Variants in CD69 observed in about 807,000 individuals in gnomAD.
CD69 encodes CD69 molecule.
A neutral mutation model predicts 21.4 loss-of-function variants in CD69; 10 were observed. The ratio of observed to expected loss-of-function variants is 0.47; its 90% CI spans 0.29 to 0.79. CD69 has a LOEUF of 0.79. CD69 is among the 30% of genes least tolerant of loss of function. The probability of loss-of-function intolerance (pLI) is 0.09; values close to 1 mark genes in which losing one functional copy is unlikely to be tolerated. For missense variants in CD69, 204 were observed against 236.9 expected (o/e 0.86, Z 0.91); for synonymous variants, 63 against 78.2 (o/e 0.81, Z 1.03).
intron 4 of CD69, 159 bp downstream of exon 4, chr12:9,754,428 C>A: frequency 1.9e-6 from 1 of 516,582 alleles, no homozygotes; most frequent in Non-Finnish European, 3.5e-6. Context: ...ATAATAAAGC[C>A]TGTTATTAAA....
At position 9,755,228 on chromosome 12, in the gene CD69, A is replaced by C; in HGVS notation, c.221T>G (p.Phe74Cys). The C allele has an allele frequency of 6.2e-7, 1 of 1,614,118 alleles. No individual in the cohort carries two copies. The highest frequency in any genetic ancestry group is 8.5e-7 in the Non-Finnish European group (1 of 1,179,972). The stretch of plus-strand genomic sequence containing the variant: ...AACATGGCTGTCTGATGGCATTGAG[A>C]ATGTGTATTGGCCTGGACAATTGTA... Reference protein sequence around the residue: ...GQYNCPGQYTFSMPSDSHVSS... With the variant: ...GQYNCPGQYTCSMPSDSHVSS... The change falls in exon 3 of 5, where the codon TTC (phenylalanine) becomes TGC (cysteine). Residue 74 changes from phenylalanine to cysteine, a missense_variant. Physicochemically the swap from Phe to Cys is radical, Grantham distance 205. Transcript: ENST00000228434.
At chr12:9,757,109 T>A (rs753491336) in intron 1 of CD69, among the ~76,000 whole-genome samples, 43 of 152,028 alleles carry the variant, frequency 2.8e-4, no homozygotes, top group Non-Finnish European at 5.0e-4. Flanking sequence ...AAATAAAAAA[T>A]TCTAGCATAA....
intron 2 of CD69, 139 bp from the exon 3 acceptor site, chr12:9,755,400 G>C: frequency 1.5e-6 from 1 of 681,684 alleles, no homozygotes; most frequent in South Asian, 1.9e-5. Context: ...ATTCTGAAAA[G>C]GGTATGAAGA....
Position 9,756,337 on chromosome 12 carries a change from G to C in CD69, c.147C>G (p.Val49=). ...GAGCTATGATTAAAATGGTGATGAA[G>C]ACCACATTCATTACAGCACACAGGA... ...VPVLCAVMNV[V]FITILIIALI... Residue 49 remains valine (V), a synonymous_variant, in exon 2 of 5, where the codon GTC becomes GTG. Transcript: ENST00000228434. 6.2e-7 allele frequency: 1 copy of C among 1,613,168 alleles called. No individual in the cohort carries two copies. The highest frequency in any genetic ancestry group is 2.2e-5 in the East Asian group (1 of 44,828).
At chr12:9,759,738 T>G (rs1866716161) in intron 1 of CD69, among the ~76,000 whole-genome samples, 1 of 152,212 alleles carries the variant, frequency 6.6e-6, no homozygotes, top group Non-Finnish European at 1.5e-5. Context: ...TACATATCCC[T>G]TTGTTAATAG....
chr12:9,753,560 A>G lies in CD69; in HGVS notation c.521T>C (p.Val174Ala). Residue 174 changes from valine to alanine, a missense_variant, in exon 5 of 5, where the codon GTT becomes GCT. Val to Ala is a moderately conservative substitution (Grantham distance 64, BLOSUM62 0). Transcript: ENST00000228434. ...WFNVTGSDKC[V>A]FLKNTEVSSM... is the part of the protein sequence containing the mutation. ...GCTGACCTCTGTGTTTTTCAGAAAAACACACTTGTCAGACCCTGTAACGTT... is the reference window on the plus strand; with the variant it reads ...GCTGACCTCTGTGTTTTTCAGAAAAGCACACTTGTCAGACCCTGTAACGTT... 1 of 1,581,266 alleles carries G rather than the reference A, an allele frequency of 6.3e-7. No homozygotes were observed. Among genetic ancestry groups the G allele is most frequent in the Non-Finnish European group, 8.7e-7 (1 of 1,152,498 alleles).
At chr12:9,758,721 G>A (rs765346468) in intron 1 of CD69, among the ~76,000 whole-genome samples, 2 of 152,024 alleles carry the variant, frequency 1.3e-5, no homozygotes, top group Non-Finnish European at 2.9e-5. Flanking sequence ...TACCAAGTTC[G>A]GAGCTCTGTC....
Position 9,753,498 on chromosome 12 carries a change from TA to T in CD69, c.582del (p.Cys194Ter). On this transcript the variant is annotated frameshift_variant, in exon 5 of 5. Transcript: ENST00000228434. LOFTEE classifies it high-confidence loss of function. ...MECEKNLYWI[C>X]NKPYK ...TTTCCTTATTATTTGTAAGGTTTGTTACATATCCAGTATAAATTCTTCTCAC... is the reference window on the plus strand; with the variant it reads ...TTTCCTTATTATTTGTAAGGTTTGTTCATATCCAGTATAAATTCTTCTCAC... The T allele has an allele frequency of 6.9e-7, 1 of 1,457,104 alleles. No individual in the cohort carries two copies. The highest frequency in any genetic ancestry group is 9.6e-7 in the Non-Finnish European group (1 of 1,040,470). 90.3% of individuals were successfully genotyped at this position (1,457,104 alleles called of 1,614,324 possible). A position where few individuals can be genotyped will look rare whatever the true frequency, so the allele number is the denominator to read the frequency against.
At chr12:9,755,364 G>A in intron 2 of CD69, 103 bp from the exon 3 acceptor site, 4 of 928,988 alleles carry the variant, frequency 4.3e-6, no homozygotes, top group Non-Finnish European at 6.8e-6. Context: ...TGGTGATAAA[G>A]TAAAGGATAA....
rs1406367913 is a variant in CD69 at position 9,755,054 on chromosome 12, A to G, written c.387+8T>C. On this transcript the variant is annotated splice_region_variant and intron_variant, in intron 3 of 4. Coordinates refer to ENST00000228434, the MANE Select transcript of CD69 (RefSeq NM_001781.2). ...AATAGTAGTATTTTATCTTTTTTTTATTCTTACCATGTCCTTTTCAGAATC... is the reference window on the plus strand; with the variant it reads ...AATAGTAGTATTTTATCTTTTTTTTGTTCTTACCATGTCCTTTTCAGAATC... 7 of 1,610,356 alleles carry G rather than the reference A, an allele frequency of 4.3e-6. No homozygotes were observed. Among genetic ancestry groups the G allele is most frequent in the Admixed American group, 1.7e-5 (1 of 59,674 alleles).
chr12:9,756,189 T>C, intron 2 of CD69, 108 bp downstream of exon 2: 1 of 983,922 alleles, frequency 1.0e-6, no homozygotes, highest in Non-Finnish European at 1.5e-6. Context: ...GGGATGATTC[T>C]GAATTAGCTA....
At chr12:9,759,716 T>TTA (rs1866715874) in intron 1 of CD69, among the ~76,000 whole-genome samples, 2 of 152,178 alleles carry the variant, frequency 1.3e-5, no homozygotes, top group Non-Finnish European at 2.9e-5. Context: ...TTGTTTTAGT[T>TTA]CTCCTGTTTC....
chr12:9,760,734 A>C, intron 1 of CD69, 23 bp downstream of exon 1: 1 of 1,575,638 alleles, frequency 6.3e-7, no homozygotes, highest in Non-Finnish European at 8.7e-7. Context: ...CAGAGAGTAA[A>C]TAGGCAATCA....
In CD69 at chr12:9,756,869, A is replaced by G. The variant is rs3176794; in HGVS notation, c.65-450T>C. Among the ~76,000 whole-genome samples, 1,409 of 152,284 alleles carry G rather than the reference A, an allele frequency of 9.3e-3. 22 individuals are homozygous for G. Among genetic ancestry groups the G allele is most frequent in the African/African-American group, 0.032 (1,343 of 41,554 alleles). ...GTGAGTGGATTGATCACCTGAGCTCAGGAGTTCAAGACCATCATGAGCAAC... is the reference window on the plus strand; with the variant it reads ...GTGAGTGGATTGATCACCTGAGCTCGGGAGTTCAAGACCATCATGAGCAAC... On this transcript the variant is annotated intron_variant, in intron 1 of 4. Coordinates refer to ENST00000228434, the MANE Select transcript of CD69 (RefSeq NM_001781.2).
At chr12:9,759,633 A>C (rs1027439973) in intron 1 of CD69, among the ~76,000 whole-genome samples, 6 of 152,102 alleles carry the variant, frequency 3.9e-5, no homozygotes, top group African/African-American at 1.2e-4. Context: ...GATTTATGAG[A>C]AGTAACTGAT....
At chr12:9,753,697 T>C (rs1866649718) in intron 4 of CD69, 108 bp from the exon 5 acceptor site, 1 of 517,030 alleles carries the variant, frequency 1.9e-6, no homozygotes, top group Non-Finnish European at 3.5e-6. Flanking sequence ...AAATTCTTAG[T>C]GGGATACACA....
At chr12:9,754,890 C>T (rs760714948) in intron 3 of CD69, 172 bp downstream of exon 3, 2 of 686,076 alleles carry the variant, frequency 2.9e-6, no homozygotes, top group South Asian at 3.8e-5. Context: ...TAAATTAAAT[C>T]TCATTTTGAC....
At chr12:9,760,490 C>A (rs761925355) in intron 1 of CD69, among the ~76,000 whole-genome samples, 1 of 152,092 alleles carries the variant, frequency 6.6e-6, no homozygotes, top group Non-Finnish European at 1.5e-5. Flanking sequence ...TTCATTTTTG[C>A]GGCTTTCTCT....
At chr12:9,759,040 C>T (rs1866707537) in intron 1 of CD69, among the ~76,000 whole-genome samples, 1 of 152,166 alleles carries the variant, frequency 6.6e-6, no homozygotes, top group Non-Finnish European at 1.5e-5. Flanking sequence ...CGCCATTCTC[C>T]TGCCTCAGCC....
Sources: allele counts gnomAD v4.1 joint callset (sites outside exome capture counted in the v4.1 genomes callset), GRCh38; gene constraint gnomAD v4.1.1; transcripts MANE v1.5; gene names NCBI Gene and HGNC (gene_info 2026-07-23, HGNC 2026-07-21).